FAM120B: variants seen among roughly 807,000 people sequenced by gnomAD.
The protein encoded by FAM120B is constitutive coactivator of peroxisome proliferator-activated receptor gamma.
FAM120B carries 83 observed loss-of-function variants against 96.3 expected under a neutral mutation model. The ratio of observed to expected loss-of-function variants is 0.86; its 90% confidence interval spans 0.72 to 1.03. FAM120B has a LOEUF of 1.03. Ranked by LOEUF, FAM120B falls within the 50% of genes least tolerant of loss-of-function variation. The pLI is 0.00. For synonymous variants in FAM120B, 407 were observed against 402.7 expected (o/e 1.01, Z -0.13); for missense variants, 1,027 against 1,121.2 (o/e 0.92, Z 1.20).
In FAM120B at chr6:170,388,483, T is replaced by C. The variant is rs1790318340; in HGVS notation, c.2480T>C (p.Leu827Ser). Reference protein sequence around the residue: ...SEKGYAVEVLLEQNRSRLTKF... With the variant: ...SEKGYAVEVLSEQNRSRLTKF... ...AAGGGTTATGCTGTGGAGGTTCTTT[T>C]AGAACAAAATGTGAGTTCACAGACA... The change falls in exon 7 of 11, where the codon TTA becomes TCA. Residue 827 changes from leucine (L) to serine (S), a missense_variant. Leu to Ser is a moderately radical substitution (Grantham distance 145, BLOSUM62 -2). Coordinates refer to ENST00000476287, the MANE Select transcript of FAM120B (RefSeq NM_032448.3). 1 of 1,614,124 alleles carries C rather than the reference T, an allele frequency of 6.2e-7. No homozygotes were observed. The highest frequency in any genetic ancestry group is 8.5e-7 in the Non-Finnish European group (1 of 1,179,986).
At chr6:170,301,852 C>T (rs1402989068), upstream of FAM120B, among the ~76,000 whole-genome samples, 2 of 152,220 alleles carry the variant, frequency 1.3e-5, no homozygotes, top group Non-Finnish European at 2.9e-5. Context: ...CAAAGCCATT[C>T]AACAAGTCTC....
chr6:170,373,729 A>G (rs1789345224), intron 6 of FAM120B, among the ~76,000 whole-genome samples: 3 of 152,234 alleles, frequency 2.0e-5, no homozygotes, highest in Admixed American at 2.0e-4. Context: ...TAAAAGCACA[A>G]GGCAAACAGG....
In FAM120B at chr6:170,376,903, C is replaced by G. The variant is rs1007260801; in HGVS notation, c.2284-11384C>G. The stretch of plus-strand genomic sequence containing the variant: ...CGTGTAGAGCAAGCGGGGAATGCCA[C>G]TTTGTGCTTTGCACACGCGTCCCTA... On this transcript the variant is annotated intron_variant, in intron 6 of 10. Coordinates refer to ENST00000476287, the MANE Select transcript of FAM120B (RefSeq NM_032448.3). 3.3e-5 allele frequency among the ~76,000 whole-genome samples: 5 copies of G among 152,044 alleles called. 1 individual carries two copies. The highest frequency in any genetic ancestry group is 7.2e-5 in the African/African-American group (3 of 41,410).
chr6:170,396,915 T>G (rs553864716), intron 9 of FAM120B, among the ~76,000 whole-genome samples: 1 of 152,364 alleles, frequency 6.6e-6, no homozygotes, highest in South Asian at 2.1e-4. Context: ...TTTGGGCCAT[T>G]GCCGCTGCCC....
In FAM120B at chr6:170,318,789, C is replaced by T. The variant is rs142356306; in HGVS notation, c.1399C>T (p.Pro467Ser). 1.9e-6 allele frequency: 3 copies of T among 1,610,930 alleles called. No homozygotes were observed. Among genetic ancestry groups the T allele is most frequent in the African/African-American group, 2.7e-5 (2 of 73,750 alleles). The change falls in exon 2 of 11, where the codon CCT becomes TCT. Residue 467 changes from proline to serine, a missense_variant. Pro to Ser is a moderately conservative substitution (Grantham distance 74, BLOSUM62 -1). Around this residue, in one of 3 missense-constraint regions of FAM120B, gnomAD observed 880 missense variants for 980.9 expected, o/e 0.90. Transcript: ENST00000476287. Reference sequence around the variant, plus strand: ...GCAAGAAGTTCCCATGTATACAGGCCCTGAATCCAGGCAAGAAGTTCCCAT... The same window carrying T: ...GCAAGAAGTTCCCATGTATACAGGCTCTGAATCCAGGCAAGAAGTTCCCAT... ...PRQEVPMYTG[P>S]ESRQEVPMYT...
rs1415703752 is a variant in FAM120B at position 170,295,322 on chromosome 6, C to G, written c.-84C>G. The G allele has an allele frequency of 1.3e-5, 9 of 694,328 alleles. No homozygotes were observed. Among genetic ancestry groups the G allele is most frequent in the East Asian group, 2.7e-5 (1 of 36,700 alleles). The allele number at this position is 694,328 out of a possible 1,614,324, so 43.0% of individuals were successfully genotyped here. A position where few individuals can be genotyped will look rare whatever the true frequency, so the allele number is the denominator to read the frequency against. ...AAGTGGGTGCACAGATGTGTTCACACTCGGTTGCCGCGCGTGGACTTACAA... is the reference window on the plus strand; with the variant it reads ...AAGTGGGTGCACAGATGTGTTCACAGTCGGTTGCCGCGCGTGGACTTACAA... On this transcript the variant is annotated 5_prime_UTR_variant, in exon 1 of 11. Transcript: ENST00000537664. The surrounding 1 kb of genome is among the most constrained non-coding windows in gnomAD (Gnocchi z 7.8).
chr6:170,309,704 C>A (rs1389483347), intron 1 of FAM120B, among the ~76,000 whole-genome samples: 5 of 152,158 alleles, frequency 3.3e-5, no homozygotes, highest in Non-Finnish European at 7.3e-5. Flanking sequence ...ATTATAAAGT[C>A]ATTTACAGTA....
upstream of FAM120B, chr6:170,290,985 A>C: frequency 1.4e-6 from 1 of 701,630 alleles, no homozygotes; most frequent in South Asian, 1.5e-5. The surrounding 1 kb of genome is among the most constrained non-coding windows in gnomAD (Gnocchi z 4.7). Flanking sequence ...ATGGCTAATG[A>C]GATGCAAATC....
At chr6:170,368,410 T>G (rs1788936230) in intron 6 of FAM120B, among the ~76,000 whole-genome samples, 1 of 152,212 alleles carries the variant, frequency 6.6e-6, no homozygotes, top group South Asian at 2.1e-4. Flanking sequence ...TCTTGGTGAA[T>G]TCTCACTTTA....
intron 9 of FAM120B, among the ~76,000 whole-genome samples, chr6:170,398,563 C>T (rs1029667205): frequency 9.0e-4 from 124 of 137,378 alleles, no homozygotes; most frequent in African/African-American, 3.5e-3. Flanking sequence ...AAAGGTAGAA[C>T]TATGTCATAA....
intron 4 of FAM120B, among the ~76,000 whole-genome samples, chr6:170,347,898 G>C (rs964412235): frequency 6.6e-6 from 1 of 152,100 alleles, no homozygotes; most frequent in South Asian, 2.1e-4. Context: ...CATTCTTAAT[G>C]GTCGAAAGTG....
intron 4 of FAM120B, among the ~76,000 whole-genome samples, chr6:170,332,733 TC>T (rs1449104432): frequency 1.3e-5 from 2 of 152,014 alleles, no homozygotes; most frequent in Non-Finnish European, 2.9e-5. Flanking sequence ...GATGGGCCCT[TC>T]CTGTCCACCT....
intron 6 of FAM120B, among the ~76,000 whole-genome samples, chr6:170,375,958 T>A (rs1268808139): frequency 6.6e-6 from 1 of 152,136 alleles, no homozygotes; most frequent in East Asian, 1.9e-4. Context: ...CTGGGGTGTT[T>A]GGGAGCCACA....
intron 6 of FAM120B, among the ~76,000 whole-genome samples, chr6:170,376,792 C>T (rs984260388): frequency 1.3e-5 from 2 of 152,192 alleles, no homozygotes; most frequent in East Asian, 1.9e-4. Flanking sequence ...GAAGGAGGAG[C>T]GCCTGCTTGG....
chr6:170,393,791 G>T (rs966264358), intron 8 of FAM120B, among the ~76,000 whole-genome samples: 1 of 152,192 alleles, frequency 6.6e-6, no homozygotes, highest in Admixed American at 6.5e-5. Flanking sequence ...CATGTTCTTG[G>T]GTAATGCTGA....
chr6:170,299,822 A>G (rs1784103208), intron 1 of FAM120B, among the ~76,000 whole-genome samples: 2 of 152,246 alleles, frequency 1.3e-5, no homozygotes, highest in Non-Finnish European at 2.9e-5. Context: ...TGCCACGTCA[A>G]GGCCCAAGTG....
Position 170,406,770 on chromosome 6 carries a change from A to T in FAM120B, c.*2019A>T, listed in dbSNP as rs1778817721. On this transcript the variant is annotated 3_prime_UTR_variant, in exon 11 of 11. Transcript: ENST00000476287. ...GCTGCTTCTAGATCTATTTCTTTGC[A>T]CTTGTATAACTTTGAAATAAATTCC... 6.6e-6 allele frequency: 1 copy of T among 152,140 alleles called. No individual in the cohort carries two copies. 9.4% of individuals were successfully genotyped at this position (152,140 alleles called of 1,614,324 possible). A position where few individuals can be genotyped will look rare whatever the true frequency, so the allele number is the denominator to read the frequency against.
In FAM120B at chr6:170,319,029, T is replaced by C. The variant is rs761635587; in HGVS notation, c.1639T>C (p.Cys547Arg). The C allele has an allele frequency of 4.3e-6, 7 of 1,613,460 alleles. No individual in the cohort carries two copies. The highest frequency in any genetic ancestry group is 5.1e-6 in the Non-Finnish European group (6 of 1,179,810). The change falls in exon 2 of 11, where the codon TGT (cysteine) becomes CGT (arginine). Residue 547 changes from cysteine to arginine, a missense_variant. Physicochemically the swap from Cys to Arg is radical, Grantham distance 180. Coordinates refer to ENST00000476287, the MANE Select transcript of FAM120B (RefSeq NM_032448.3). ...TGAATTTAAGCTAGAAGCTCTCATG[T>C]GTACAAACCCTGAAATTAAACAAGA... ...DFEFKLEALM[C>R]TNPEIKQEDP...
At chr6:170,352,707 A>G (rs527685549) in intron 5 of FAM120B, among the ~76,000 whole-genome samples, 1 of 152,356 alleles carries the variant, frequency 6.6e-6, no homozygotes, top group South Asian at 2.1e-4. Context: ...TAATGAGAAC[A>G]AAGAGACTAC....
Sources: gnomAD v4.1 joint callset for allele counts (sites outside exome capture counted in the v4.1 genomes callset) on GRCh38, gnomAD v4.1.1 for gene constraint, gnomAD v4.1.1 regional missense constraint, Gnocchi (gnomAD v3.1) non-coding constraint, MANE v1.5 for transcripts, NCBI Gene and HGNC (gene_info 2026-07-23, HGNC 2026-07-21) for gene names.